ADAMTS9: variants seen among roughly 807,000 people sequenced by gnomAD.
ADAMTS9 encodes A disintegrin and metalloproteinase with thrombospondin motifs 9.
ADAMTS9 carries 107 observed loss-of-function variants against 257.1 expected under a neutral mutation model. The observed-to-expected ratio is 0.42, with a 90% CI of 0.36 to 0.49. The LOEUF is 0.49. Ranked by LOEUF, ADAMTS9 falls within the 20% of genes least tolerant of loss-of-function variation. The pLI is 0.03. For synonymous variants in ADAMTS9, 982 were observed against 880.9 expected, an observed-to-expected ratio of 1.11 and a Z score of -2.03; for missense variants, 2,353 against 2,469.1, an observed-to-expected ratio of 0.95 and a Z score of 1.00.
chr3:64,634,303 C>A (rs1049846342), intron 12 of ADAMTS9, among the ~76,000 whole-genome samples: 1 of 152,138 alleles, frequency 6.6e-6, no homozygotes, highest in Non-Finnish European at 1.5e-5. Context: ...GGAATGCTCC[C>A]TATCTTCCTT....
intron 3 of ADAMTS9, among the ~76,000 whole-genome samples, chr3:64,670,068 C>A (rs1022486137): frequency 3.3e-5 from 5 of 152,218 alleles, no homozygotes; most frequent in Admixed American, 2.6e-4. Flanking sequence ...TCTTCAGCAG[C>A]AGGGCATGTG....
chr3:64,658,666 A>G lies in ADAMTS9; in HGVS notation c.805T>C (p.Tyr269His). ...SGLATEAFSA[Y>H]GNKTDNTREK... ...CTTGTGTTGTCCGTCTTATTACCATAAGCAGAAAATGCCTCTGTTGCTAAG... is the reference window on the plus strand; with the variant it reads ...CTTGTGTTGTCCGTCTTATTACCATGAGCAGAAAATGCCTCTGTTGCTAAG... The change falls in exon 4 of 40, where the codon TAT becomes CAT. Residue 269 changes from tyrosine to histidine, a missense_variant. By Grantham distance (83) the Tyr-to-His change is moderately conservative. Around this residue, in one of 3 missense-constraint regions of ADAMTS9, gnomAD observed 591 missense variants for 569.6 expected, o/e 1.04. Transcript: ENST00000498707. 1 of 1,613,890 alleles carries G rather than the reference A, an allele frequency of 6.2e-7. No homozygotes were observed. The highest frequency in any genetic ancestry group is 8.5e-7 in the Non-Finnish European group (1 of 1,179,988).
chr3:64,589,991 T>G (rs2084231244), intron 28 of ADAMTS9: 1 of 152,200 alleles, frequency 6.6e-6, no homozygotes, highest in South Asian at 2.1e-4. Context: ...CCTAGCTGTC[T>G]CTTATGTGTT....
chr3:64,672,271 A>C (rs952887836), intron 3 of ADAMTS9, among the ~76,000 whole-genome samples: 1 of 152,228 alleles, frequency 6.6e-6, no homozygotes, highest in Non-Finnish European at 1.5e-5. Context: ...TTTCTGAAGC[A>C]AAGTGTCAGG....
At chr3:64,622,655 A>T in intron 16 of ADAMTS9, 69 bp from the exon 17 acceptor site, 7 of 1,540,462 alleles carry the variant, frequency 4.5e-6, no homozygotes, top group Non-Finnish European at 6.2e-6. Context: ...ATATGAAGTA[A>T]CATCTGGATA....
chr3:64,670,169 T>C (rs944150699), intron 3 of ADAMTS9, among the ~76,000 whole-genome samples: 2 of 152,152 alleles, frequency 1.3e-5, no homozygotes, highest in African/African-American at 4.8e-5. Context: ...TCTCTCTTTC[T>C]CTCCTGTCTG....
intron 11 of ADAMTS9, among the ~76,000 whole-genome samples, chr3:64,644,738 T>C (rs1019842464): frequency 2.0e-5 from 3 of 152,166 alleles, no homozygotes; most frequent in Non-Finnish European, 4.4e-5. Context: ...TCTTAACACT[T>C]CAGACTTCAG....
At chr3:64,584,609 A>G (rs2084098727) in intron 28 of ADAMTS9, among the ~76,000 whole-genome samples, 1 of 152,136 alleles carries the variant, frequency 6.6e-6, no homozygotes, top group South Asian at 2.1e-4. Flanking sequence ...CTCTGAATAC[A>G]TTTGTTTCTT....
Position 64,622,179 on chromosome 3 carries a change from T to A in ADAMTS9, c.2686+19A>T, listed in dbSNP as rs911066375. On this transcript the variant is annotated intron_variant, in intron 18 of 39. Transcript: ENST00000498707. Reference sequence around the variant, plus strand: ...AATAAACTTCTCAAATCCCCAGAACTCAAATTCAAAGCAGATACCTTGGCA... The same window carrying A: ...AATAAACTTCTCAAATCCCCAGAACACAAATTCAAAGCAGATACCTTGGCA... 6 of 1,587,282 alleles carry A rather than the reference T, an allele frequency of 3.8e-6. No homozygotes were observed. The East Asian group carries it at 1.3e-4, about 36-fold the overall frequency.
At chr3:64,538,421 T>C (rs1186492495) in intron 37 of ADAMTS9, among the ~76,000 whole-genome samples, 2 of 151,984 alleles carry the variant, frequency 1.3e-5, no homozygotes, top group African/African-American at 4.8e-5. Context: ...TTTTTAAAAA[T>C]TGGTTTCATG....
At chr3:64,681,385 A>G in intron 2 of ADAMTS9, 22 bp from the exon 3 acceptor site, 1 of 1,595,396 alleles carries the variant, frequency 6.3e-7, no homozygotes, top group Non-Finnish European at 8.5e-7. Flanking sequence ...GAGAGATGGG[A>G]GGTTGATTTA....
At chr3:64,671,965 C>G (rs1400097711) in intron 3 of ADAMTS9, among the ~76,000 whole-genome samples, 1 of 152,176 alleles carries the variant, frequency 6.6e-6, no homozygotes, top group African/African-American at 2.4e-5. Context: ...TAAAATAGCA[C>G]TTTATTAACC....
intron 28 of ADAMTS9, among the ~76,000 whole-genome samples, chr3:64,581,323 T>A (rs1012689783): frequency 1.3e-5 from 2 of 152,216 alleles, no homozygotes; most frequent in African/African-American, 4.8e-5. Context: ...GGTGGTGGTG[T>A]GTCTTTGTTT....
chr3:64,515,878 C>CCA lies in ADAMTS9; in HGVS notation c.*1248_*1249insTG, dbSNP rs1295889510. 1.3e-5 allele frequency: 2 copies of CCA among 152,148 alleles called. No homozygotes were observed. The highest frequency in any genetic ancestry group is 4.8e-5 in the African/African-American group (2 of 41,430). The allele number at this position is 152,148 out of a possible 1,614,324, so 9.4% of individuals were successfully genotyped here. On this transcript the variant is annotated 3_prime_UTR_variant, in exon 40 of 40. Transcript: ENST00000498707. ...TGGGCCATTGGCAAAGGCTTCCCTT[C>CCA]ATCAGCTTGGAGGGGCAGAAAGACC...
At chr3:64,517,842 C>G (rs968076578) in intron 39 of ADAMTS9, among the ~76,000 whole-genome samples, 2 of 151,980 alleles carry the variant, frequency 1.3e-5, no homozygotes, top group African/African-American at 4.8e-5. Flanking sequence ...GCTGATTTTT[C>G]CATGCCTCCA....
rs368514593 is a variant in ADAMTS9 at position 64,658,369 on chromosome 3, T to C, written c.969+133A>G. The C allele has an allele frequency of 7.7e-6, 7 of 914,874 alleles. No homozygotes were observed. In the East Asian group the frequency reaches 1.3e-4, roughly 17 times the overall value. 56.7% of individuals were successfully genotyped at this position (914,874 alleles called of 1,614,324 possible). ...AAAAGGCAACCAACAAATAATCTTA[T>C]GTTCTCTTCAGTCACTTGCCTGAAT... On this transcript the variant is annotated intron_variant, in intron 4 of 39. Transcript: ENST00000498707.
chr3:64,616,395 G>A (rs761323015), intron 19 of ADAMTS9, among the ~76,000 whole-genome samples: 5 of 152,118 alleles, frequency 3.3e-5, no homozygotes, highest in Non-Finnish European at 5.9e-5. Context: ...GACAGCCAGA[G>A]GTGTTACCTT....
chr3:64,624,983 T>G (rs1047661119), intron 16 of ADAMTS9, among the ~76,000 whole-genome samples: 1 of 152,168 alleles, frequency 6.6e-6, no homozygotes, highest in Non-Finnish European at 1.5e-5. Context: ...ATTAAAAATT[T>G]GGGCTCTGAA....
In ADAMTS9 at chr3:64,550,941, C is replaced by T. The variant is rs1443822273; in HGVS notation, c.4820G>A (p.Cys1607Tyr). The T allele has an allele frequency of 8.1e-6, 13 of 1,614,070 alleles. No individual in the cohort carries two copies. The highest frequency in any genetic ancestry group is 2.7e-5 in the African/African-American group (2 of 74,944). ...VSKRPVDRESCSLQPCEYVWI... is the reference protein window; with the variant it reads ...VSKRPVDRESYSLQPCEYVWI... ...GACATACTCGCAGGGTTGCAAACTA[C>T]AGCTTTCACGGTCCACCGGCCGCTT... Residue 1607 changes from cysteine (C) to tyrosine (Y), a missense_variant, in exon 31 of 40, where the codon TGT (cysteine) becomes TAT (tyrosine). Cys to Tyr is a radical substitution (Grantham distance 194). Around this residue, in one of 3 missense-constraint regions of ADAMTS9, gnomAD observed 1,402 missense variants for 1,441.4 expected, o/e 0.97. Coordinates refer to ENST00000498707, the MANE Select transcript of ADAMTS9 (RefSeq NM_182920.2).
Sources: gnomAD v4.1 joint callset for allele counts (sites outside exome capture counted in the v4.1 genomes callset) on GRCh38, gnomAD v4.1.1 for gene constraint, gnomAD v4.1.1 regional missense constraint, MANE v1.5 for transcripts, NCBI Gene and HGNC (gene_info 2026-07-23, HGNC 2026-07-21) for gene names.